The following HEMGN variants were observed in gnomAD, a reference collection of about 807,000 sequenced individuals.
HEMGN encodes hemogen.
Under a neutral mutation model 45.7 loss-of-function variants are expected in HEMGN, and 32 were observed. The observed-to-expected ratio is 0.70, with a 90% confidence interval of 0.53 to 0.94. The LOEUF is 0.94. Ranked by LOEUF, HEMGN falls within the 40% of genes least tolerant of loss-of-function variation. The pLI is 0.00. For synonymous variants in HEMGN, 183 were observed against 178.6 expected (o/e 1.02, Z -0.20); for missense variants, 530 against 564.2 (o/e 0.94, Z 0.61).
upstream of HEMGN, among the ~76,000 whole-genome samples, chr9:97,941,892 T>G (rs148778482): frequency 7.2e-5 from 11 of 152,346 alleles, no homozygotes; most frequent in African/African-American, 2.6e-4. Context: ...AGAATTGTCC[T>G]AACAATTGAT....
upstream of HEMGN, among the ~76,000 whole-genome samples, chr9:97,940,440 T>G (rs1398428317): frequency 6.6e-6 from 1 of 151,836 alleles, no homozygotes; most frequent in Non-Finnish European, 1.5e-5. Flanking sequence ...TAATATTGGG[T>G]GGAGGAGGCC....
chr9:97,937,990 A>T, intron 1 of HEMGN, 68 bp downstream of exon 1: 3 of 830,468 alleles, frequency 3.6e-6, no homozygotes, highest in Non-Finnish European at 3.8e-6. Context: ...AGATCCATTG[A>T]AAAGAGAAAA....
At chr9:97,941,892 T>C (rs148778482), upstream of HEMGN, among the ~76,000 whole-genome samples, 481 of 152,346 alleles carry the variant, frequency 3.2e-3, 1 homozygote, top group Non-Finnish European at 4.5e-3. Context: ...AGAATTGTCC[T>C]AACAATTGAT....
intron 2 of HEMGN, among the ~76,000 whole-genome samples, chr9:97,932,121 C>T (rs1435730152): frequency 2.6e-5 from 4 of 152,122 alleles, no homozygotes; most frequent in African/African-American, 9.7e-5. Context: ...GCTCTCCCAG[C>T]TTAGCACTCC....
At chr9:97,942,274 C>CTTTTTTTTT (rs56055830), upstream of HEMGN, among the ~76,000 whole-genome samples, 4 of 128,186 alleles carry the variant, frequency 3.1e-5, no homozygotes, top group Non-Finnish European at 6.6e-5. Flanking sequence ...CTAATTCCTT[C>CTTTTTTTTT]TTTTTTTTTT....
rs1826843527 is a variant in HEMGN, at chr9:97,927,200, T to C, written c.*184A>G. The C allele has an allele frequency of 4.6e-6, 2 of 432,500 alleles. No homozygotes were observed. The highest frequency in any genetic ancestry group is 4.2e-5 in the African/African-American group (2 of 47,530). The allele number at this position is 432,500 out of a possible 1,614,324, so 26.8% of individuals were successfully genotyped here. On this transcript the variant is annotated 3_prime_UTR_variant, in exon 4 of 4. Transcript: ENST00000616898. ...ACACACACACACACACACACACACA[T>C]TCTAGCATGATATTGTCTATGTGGT... is the stretch of plus-strand genomic sequence containing the variant.
At chr9:97,937,099 G>A (rs896752474) in intron 1 of HEMGN, among the ~76,000 whole-genome samples, 5 of 152,032 alleles carry the variant, frequency 3.3e-5, no homozygotes, top group Non-Finnish European at 7.4e-5. Context: ...TGGGATAAGG[G>A]TTCTTAATAG....
At chr9:97,936,611 C>T (rs1005647836) in intron 1 of HEMGN, among the ~76,000 whole-genome samples, 1 of 152,050 alleles carries the variant, frequency 6.6e-6, no homozygotes, top group African/African-American at 2.4e-5. Context: ...CATTTTATTC[C>T]TCACTTCTAT....
upstream of HEMGN, among the ~76,000 whole-genome samples, chr9:97,942,939 T>A (rs1827173481): frequency 6.6e-6 from 1 of 152,182 alleles, no homozygotes; most frequent in South Asian, 2.1e-4. Flanking sequence ...CCTGGTACAC[T>A]TTGGTTTGTC....
intron 2 of HEMGN, among the ~76,000 whole-genome samples, chr9:97,932,139 C>G (rs1035804567): frequency 6.6e-6 from 1 of 152,180 alleles, no homozygotes; most frequent in Non-Finnish European, 1.5e-5. Context: ...TCCTATAGGA[C>G]TTATTGGGTG....
At chr9:97,933,751 C>G (rs1827001040) in intron 2 of HEMGN, among the ~76,000 whole-genome samples, 2 of 152,284 alleles carry the variant, frequency 1.3e-5, no homozygotes, top group South Asian at 4.1e-4. Flanking sequence ...TGCTGCCTCT[C>G]TCTGAAACTA....
In HEMGN at chr9:97,931,086, A is replaced by G; in HGVS notation, c.309T>C (p.Pro103=). The change falls in exon 3 of 4, where the codon CCT becomes CCC. Residue 103 remains proline (P), a synonymous_variant. Transcript: ENST00000616898. ...CAGGTGGCTCAGTTTTTTTCTCTAT[A>G]GGTGCCAGTGCTTTCTCCACTATTT... ...EKEIVEKALA[P]IEKKTEPPGS... 6.2e-7 allele frequency: 1 copy of G among 1,614,100 alleles called. No individual in the cohort carries two copies. Among genetic ancestry groups the G allele is most frequent in the South Asian group, 1.1e-5 (1 of 91,088 alleles).
At chr9:97,942,358 C>A (rs897640880), upstream of HEMGN, among the ~76,000 whole-genome samples, 1 of 149,930 alleles carries the variant, frequency 6.7e-6, no homozygotes, top group East Asian at 2.0e-4. Flanking sequence ...TCACAGTTCA[C>A]TGCAGCCTCT....
upstream of HEMGN, among the ~76,000 whole-genome samples, chr9:97,941,133 T>G (rs1040580466): frequency 4.6e-5 from 7 of 152,054 alleles, no homozygotes; most frequent in African/African-American, 1.7e-4. Flanking sequence ...CTGGGCATAA[T>G]AGGATAAGAA....
chr9:97,936,688 G>GCTAA (rs1458042585), intron 1 of HEMGN, among the ~76,000 whole-genome samples: 1 of 152,048 alleles, frequency 6.6e-6, no homozygotes, highest in African/African-American at 2.4e-5. Flanking sequence ...TATTAAGCTA[G>GCTAA]CGTTATATTA....
chr9:97,934,447 G>C (rs1226442811), intron 2 of HEMGN, among the ~76,000 whole-genome samples: 1 of 104,244 alleles, frequency 9.6e-6, no homozygotes, highest in East Asian at 3.7e-4. Flanking sequence ...GGGGAGGGGA[G>C]GGGAGGGGGG....
Position 97,926,967 on chromosome 9 carries a change from G to A in HEMGN, c.*417C>T, listed in dbSNP as rs1325580474. 1 of 152,772 alleles carries A rather than the reference G, an allele frequency of 6.5e-6. No homozygotes were observed. The highest frequency in any genetic ancestry group is 1.5e-5 in the Non-Finnish European group (1 of 68,416). 9.5% of individuals were successfully genotyped at this position (152,772 alleles called of 1,614,324 possible). A position where few individuals can be genotyped will look rare whatever the true frequency, so the allele number is the denominator to read the frequency against. ...TCAACTAAAGCCTGAATAAAATTTT[G>A]ATGCTACTGTTACATTAATAATTGA... is the stretch of plus-strand genomic sequence containing the variant. On this transcript the variant is annotated 3_prime_UTR_variant, in exon 4 of 4. Coordinates refer to ENST00000616898, the MANE Select transcript of HEMGN (RefSeq NM_197978.3).
intron 1 of HEMGN, among the ~76,000 whole-genome samples, chr9:97,943,189 A>G (rs1046634782): frequency 2.0e-5 from 3 of 152,248 alleles, no homozygotes; most frequent in African/African-American, 4.8e-5. Context: ...CACGGCAGAT[A>G]TAAGTCCCAT....
chr9:97,939,755 C>A (rs1320115125), upstream of HEMGN, among the ~76,000 whole-genome samples: 1 of 152,162 alleles, frequency 6.6e-6, no homozygotes, highest in Admixed American at 6.5e-5. Context: ...ACCCAAGTAT[C>A]TGCCACTAAA....
Sources: allele counts gnomAD v4.1 joint callset (sites outside exome capture counted in the v4.1 genomes callset), GRCh38; gene constraint gnomAD v4.1.1; transcripts MANE v1.5; gene names NCBI Gene and HGNC (gene_info 2026-07-23, HGNC 2026-07-21).